FAM161B: variants seen among roughly 807,000 people sequenced by gnomAD.
FAM161B encodes FAM161 centrosomal protein B.
FAM161B carries 46 observed loss-of-function variants against 61.5 expected under a neutral mutation model. The ratio of observed to expected loss-of-function variants is 0.75; its 90% CI spans 0.59 to 0.96. The LOEUF (loss-of-function observed/expected upper bound fraction) is 0.96, where lower values mean the gene tolerates loss of function less well. Among genes scored for constraint, FAM161B ranks in the 40% least tolerant of loss-of-function variants. The pLI is 0.00. For missense variants in FAM161B, 774 were observed against 800.7 expected (o/e 0.97, Z 0.40); for synonymous variants, 284 against 302.7 (o/e 0.94, Z 0.64).
intron 1 of FAM161B, 78 bp downstream of exon 1, chr14:73,949,895 T>C (rs2056119485): frequency 6.3e-7 from 1 of 1,577,548 alleles, no homozygotes; most frequent in Non-Finnish European, 8.6e-7. Flanking sequence ...ACGCCCCTGC[T>C]GTCTGTCTCC....
chr14:73,936,553 C>A (rs1383346332), intron 7 of FAM161B, among the ~76,000 whole-genome samples: 5 of 152,000 alleles, frequency 3.3e-5, no homozygotes, highest in African/African-American at 1.2e-4. Context: ...GCATGTGGAC[C>A]AGCAGAATAT....
At position 73,944,597 on chromosome 14, in the gene FAM161B, C is replaced by A. The variant is rs758432227; in HGVS notation, c.663G>T (p.Val221=). The change falls in exon 3 of 9, where the codon GTG becomes GTT. Residue 221 remains valine, a synonymous_variant. Transcript: ENST00000286544. Reference sequence around the variant, plus strand: ...AGAGGGGCAGGTAGACATGTGCAGGCACAGGCTGTGCCCGGAACTGCCTGT... The same window carrying A: ...AGAGGGGCAGGTAGACATGTGCAGGAACAGGCTGTGCCCGGAACTGCCTGT... ...ECHRQFRAQP[V]PAHVYLPLYQ... is the part of the protein sequence containing the mutation. 5.0e-6 allele frequency: 8 copies of A among 1,614,094 alleles called. No homozygotes were observed. In the South Asian group the frequency reaches 8.8e-5, roughly 18 times the overall value.
At chr14:73,926,084 C>T in the FAM161B span, among the ~76,000 whole-genome samples, 24 of 152,228 alleles carry the variant, frequency 1.6e-4, no homozygotes, top group South Asian at 4.6e-3. Flanking sequence ...TATCTCTTTC[C>T]TCCTTTTGTT....
chr14:73,940,052 TC>T (rs1326160661), intron 5 of FAM161B, among the ~76,000 whole-genome samples: 2 of 152,168 alleles, frequency 1.3e-5, no homozygotes, highest in Non-Finnish European at 2.9e-5. Context: ...TCTTCTACAA[TC>T]CCTGCTGTGG....
At chr14:73,923,260 T>C in the FAM161B span, 1 of 1,035,488 alleles carries the variant, frequency 9.7e-7, no homozygotes, top group Admixed American at 3.4e-5. Flanking sequence ...TCAGACAGGA[T>C]TAACTTGGAA....
At chr14:73,944,997 C>T in intron 2 of FAM161B, 112 bp from the exon 3 acceptor site, 1 of 857,566 alleles carries the variant, frequency 1.2e-6, no homozygotes, top group Middle Eastern at 3.7e-4. Context: ...GCTGCTCAGC[C>T]TAACACCACA....
the FAM161B span, among the ~76,000 whole-genome samples, chr14:73,926,291 C>T: frequency 6.6e-6 from 1 of 151,874 alleles, no homozygotes; most frequent in Non-Finnish European, 1.5e-5. Flanking sequence ...TCAAAAATAT[C>T]TTATGGTTGG....
chr14:73,924,680 TTTC>T, the FAM161B span: 3 of 446,602 alleles, frequency 6.7e-6, no homozygotes, highest in South Asian at 4.7e-5. Context: ...CCTCTTTTCT[TTTC>T]TTTTTTTTTT....
At chr14:73,926,873 AT>A (rs1325800117), downstream of FAM161B, among the ~76,000 whole-genome samples, 4 of 152,028 alleles carry the variant, frequency 2.6e-5, no homozygotes, top group Non-Finnish European at 2.9e-5. Context: ...ATTAGATTCA[AT>A]TTTTCCCCCT....
In FAM161B at chr14:73,944,465, C is replaced by T. The variant is rs2056046165; in HGVS notation, c.795G>A (p.Glu265=). Residue 265 remains glutamate (E), a synonymous_variant, in exon 3 of 9, where the codon GAG becomes GAA. Coordinates refer to ENST00000286544, the MANE Select transcript of FAM161B (RefSeq NM_152445.3). ...GTCGAGCAGCTTCCTTTAGCTGCTCCTCCTTCTCCAGGAAGCTGAAGGGCT... is the reference window on the plus strand; with the variant it reads ...GTCGAGCAGCTTCCTTTAGCTGCTCTTCCTTCTCCAGGAAGCTGAAGGGCT... The part of the protein sequence containing the change: ...SLKPFSFLEK[E]EQLKEAARQR... 3.1e-6 allele frequency: 5 copies of T among 1,613,916 alleles called. No individual in the cohort carries two copies. The South Asian group carries it at 4.4e-5, about 14-fold the overall frequency.
At chr14:73,923,032 A>G in the FAM161B span, among the ~76,000 whole-genome samples, 1 of 152,154 alleles carries the variant, frequency 6.6e-6, no homozygotes, top group African/African-American at 2.4e-5. Context: ...TGTTACTCAT[A>G]TCATATTCAG....
At chr14:73,924,128 A>G in the FAM161B span, among the ~76,000 whole-genome samples, 1 of 152,224 alleles carries the variant, frequency 6.6e-6, no homozygotes, top group African/African-American at 2.4e-5. Flanking sequence ...AGTGAGAACC[A>G]TTACCTAAAT....
the FAM161B span, chr14:73,923,470 CAGGG>C: frequency 6.2e-7 from 1 of 1,613,984 alleles, no homozygotes; most frequent in African/African-American, 1.3e-5. Flanking sequence ...ACCATGCAGT[CAGGG>C]AGGCAATCAT....
At chr14:73,923,070 G>A in the FAM161B span, among the ~76,000 whole-genome samples, 1 of 152,066 alleles carries the variant, frequency 6.6e-6, no homozygotes, top group East Asian at 1.9e-4. Context: ...TATCATTGGC[G>A]ACTGCTTTTA....
downstream of FAM161B, among the ~76,000 whole-genome samples, chr14:73,929,935 G>C (rs1464889653): frequency 6.6e-6 from 1 of 152,130 alleles, no homozygotes; most frequent in Non-Finnish European, 1.5e-5. Context: ...GAATTAGATG[G>C]AGGACTCATT....
downstream of FAM161B, chr14:73,931,421 A>G: frequency 1.6e-6 from 2 of 1,268,978 alleles, no homozygotes; most frequent in Non-Finnish European, 2.2e-6. Flanking sequence ...TCCATCCTCC[A>G]CTCTTAATAC....
chr14:73,937,068 CAT>C (rs143394252), intron 7 of FAM161B, among the ~76,000 whole-genome samples: 21,970 of 151,896 alleles, frequency 0.14, 2,101 homozygotes, highest in East Asian at 0.49. Context: ...CTCACACACA[CAT>C]ACACATGCAT....
intron 5 of FAM161B, among the ~76,000 whole-genome samples, chr14:73,939,039 CT>C (rs1454872027): frequency 6.6e-6 from 1 of 152,078 alleles, no homozygotes; most frequent in Non-Finnish European, 1.5e-5. Flanking sequence ...TGGCTCATGG[CT>C]GTAATCTCAG....
intron 8 of FAM161B, 28 bp from the exon 9 acceptor site, chr14:73,934,422 CAA>C: frequency 4.4e-6 from 7 of 1,582,716 alleles, no homozygotes; most frequent in East Asian, 2.3e-5. Flanking sequence ...ACATGAAAAA[CAA>C]AAAAAATTTT....
Sources: gnomAD v4.1 joint callset for allele counts (sites outside exome capture counted in the v4.1 genomes callset) on GRCh38, gnomAD v4.1.1 for gene constraint, MANE v1.5 for transcripts, NCBI Gene and HGNC (gene_info 2026-07-23, HGNC 2026-07-21) for gene names.